Variants in MTMR3 observed in about 807,000 individuals in gnomAD.
The protein encoded by MTMR3 is phosphatidylinositol-3,5-bisphosphate 3-phosphatase MTMR3.
A neutral mutation model predicts 132.4 loss-of-function variants in MTMR3; 32 were observed. The observed-to-expected ratio is 0.24, with a 90% CI of 0.18 to 0.32. The LOEUF is 0.32. MTMR3 is among the 10% of genes least tolerant of loss of function. MTMR3 has a pLI of 1.00. For synonymous variants in MTMR3, 556 were observed against 550.3 expected, an observed-to-expected ratio of 1.01 and a Z score of -0.14; for missense variants, 1,216 against 1,489.6, an observed-to-expected ratio of 0.82 and a Z score of 3.02.
chr22:29,888,902 A>G (rs192710276), intron 1 of MTMR3, among the ~76,000 whole-genome samples: 1,594 of 151,180 alleles, frequency 0.011, 11 homozygotes, highest in Non-Finnish European at 0.017. Flanking sequence ...AGCCTCCCCA[A>G]GTCGTTAATA....
At chr22:29,974,637 A>G (rs1296039021) in intron 3 of MTMR3, among the ~76,000 whole-genome samples, 1 of 152,200 alleles carries the variant, frequency 6.6e-6, no homozygotes, top group African/African-American at 2.4e-5. Flanking sequence ...GTGTGCCAGC[A>G]AGAGTGAGTA....
intron 1 of MTMR3, among the ~76,000 whole-genome samples, chr22:29,899,332 C>T (rs537561590): frequency 3.4e-4 from 51 of 152,236 alleles, no homozygotes; most frequent in Non-Finnish European, 6.8e-4. Context: ...GGATTATAGA[C>T]GTGAGCCATT....
intron 2 of MTMR3, among the ~76,000 whole-genome samples, chr22:29,961,143 G>C (rs2066303333): frequency 6.6e-6 from 1 of 151,986 alleles, no homozygotes; most frequent in South Asian, 2.1e-4. Context: ...AAATAGAAGA[G>C]TATGTAGTCT....
chr22:29,958,005 AT>A (rs914041555), intron 2 of MTMR3, among the ~76,000 whole-genome samples: 2 of 151,968 alleles, frequency 1.3e-5, no homozygotes, highest in African/African-American at 4.8e-5. Flanking sequence ...ATATATATAT[AT>A]GTATGTAGTT....
chr22:29,906,538 G>C (rs1036473492), intron 1 of MTMR3, among the ~76,000 whole-genome samples: 12 of 151,396 alleles, frequency 7.9e-5, no homozygotes, highest in African/African-American at 2.9e-4. Context: ...GTTTCACCAT[G>C]TTGGCCAGGC....
intron 14 of MTMR3, chr22:30,015,036 A>G (rs1037606788): frequency 2.0e-5 from 3 of 152,106 alleles, no homozygotes; most frequent in Admixed American, 6.5e-5. Flanking sequence ...TTCAGACTTA[A>G]TAAATTCAAA....
At chr22:29,994,948 T>C (rs1423879376) in intron 7 of MTMR3, 2 of 152,260 alleles carry the variant, frequency 1.3e-5, no homozygotes, top group East Asian at 1.9e-4. Context: ...AAAAGTGGAC[T>C]GAAAGCTAAA....
chr22:29,922,585 A>G (rs535894869), intron 1 of MTMR3, among the ~76,000 whole-genome samples: 1 of 152,196 alleles, frequency 6.6e-6, no homozygotes, highest in Non-Finnish European at 1.5e-5. Flanking sequence ...AGCTATTGTG[A>G]AGAATGCTCC....
At chr22:29,913,646 T>A (rs2065255200) in intron 1 of MTMR3, among the ~76,000 whole-genome samples, 1 of 152,236 alleles carries the variant, frequency 6.6e-6, no homozygotes, top group Non-Finnish European at 1.5e-5. Context: ...AAGCAGTAGT[T>A]GTTCCATTTA....
At chr22:30,012,606 C>A in intron 13 of MTMR3, 43 bp downstream of exon 13, 1 of 1,534,970 alleles carries the variant, frequency 6.5e-7, no homozygotes, top group South Asian at 1.3e-5. Flanking sequence ...TCAGGATGAG[C>A]CAGGGAAACG....
At chr22:30,023,602 C>G (rs2067824973) in intron 19 of MTMR3, 2 of 1,272,508 alleles carry the variant, frequency 1.6e-6, no homozygotes, top group Admixed American at 1.7e-5. Flanking sequence ...GCCTTGGGTG[C>G]ACAGGCAGAT....
At chr22:29,970,661 C>T (rs1224870168) in intron 2 of MTMR3, among the ~76,000 whole-genome samples, 1 of 151,816 alleles carries the variant, frequency 6.6e-6, no homozygotes, top group South Asian at 2.1e-4. Flanking sequence ...TTAATTGTTG[C>T]TTTATTCATC....
At chr22:29,996,751 G>C (rs1346492127) in intron 7 of MTMR3, 1 of 151,950 alleles carries the variant, frequency 6.6e-6, no homozygotes, top group African/African-American at 2.4e-5. Context: ...TTTTGAGACA[G>C]GGTCTCACTC....
At chr22:29,945,044 CCT>C (rs1254266874) in intron 1 of MTMR3, among the ~76,000 whole-genome samples, 4 of 152,150 alleles carry the variant, frequency 2.6e-5, no homozygotes. Context: ...GACAGGGTCT[CCT>C]CTGTCACCCA....
chr22:29,963,748 T>C (rs1282824385), intron 2 of MTMR3, among the ~76,000 whole-genome samples: 1 of 152,058 alleles, frequency 6.6e-6, no homozygotes, highest in Non-Finnish European at 1.5e-5. Context: ...ATTCTGTTTA[T>C]TCATCCATCT....
chr22:30,030,467 T>G lies in MTMR3; in HGVS notation c.*4666T>G, dbSNP rs1341337566. ...AGCATTGGTTCTGCTGTAGCCTCGG[T>G]GACCATTTAAGTTGAATAAATCTGT... is the stretch of plus-strand genomic sequence containing the variant. On this transcript the variant is annotated 3_prime_UTR_variant, in exon 20 of 20. Coordinates refer to ENST00000401950, the MANE Select transcript of MTMR3 (RefSeq NM_021090.4). 2.0e-5 allele frequency: 3 copies of G among 152,252 alleles called. No individual in the cohort carries two copies. The East Asian group carries it at 5.6e-4, about 29-fold the overall frequency. The allele number at this position is 152,252 out of a possible 1,614,324, so 9.4% of individuals were successfully genotyped here. A position where few individuals can be genotyped will look rare whatever the true frequency, so the allele number is the denominator to read the frequency against.
Position 30,030,679 on chromosome 22 carries a change from T to C in MTMR3, c.*4878T>C, listed in dbSNP as rs1229654712. ...ATTTATCTTCCAGAGGCAGGGTTCA[T>C]GGATTCCTGATGTTTAGAGGCGGAA... On this transcript the variant is annotated 3_prime_UTR_variant, in exon 20 of 20. Transcript: ENST00000401950. The C allele has an allele frequency of 6.7e-6, 1 of 148,852 alleles. No individual in the cohort carries two copies. 9.2% of individuals were successfully genotyped at this position (148,852 alleles called of 1,614,324 possible). A position where few individuals can be genotyped will look rare whatever the true frequency, so the allele number is the denominator to read the frequency against.
chr22:30,021,993 G>A, intron 17 of MTMR3, 36 bp from the exon 18 acceptor site: 1 of 1,534,980 alleles, frequency 6.5e-7, no homozygotes, highest in Non-Finnish European at 9.0e-7. Context: ...GAGGAGACCA[G>A]GTTCATTCTG....
chr22:29,888,010 C>CTGTTT (rs906227517), intron 1 of MTMR3, among the ~76,000 whole-genome samples: 2 of 151,406 alleles, frequency 1.3e-5, no homozygotes, highest in Non-Finnish European at 2.9e-5. Context: ...GTAGTTAATA[C>CTGTTT]TGTTTTGTTT....
Sources: allele counts gnomAD v4.1 joint callset (sites outside exome capture counted in the v4.1 genomes callset), GRCh38; gene constraint gnomAD v4.1.1; transcripts MANE v1.5; gene names NCBI Gene and HGNC (gene_info 2026-07-23, HGNC 2026-07-21).